Variants in USP34 observed in about 807,000 individuals in gnomAD.
The protein encoded by USP34 is ubiquitin carboxyl-terminal hydrolase 34.
USP34 carries 70 observed loss-of-function variants against 460.3 expected under a neutral mutation model. That is an observed-to-expected ratio of 0.15 (90% CI 0.13 to 0.19). The LOEUF is 0.19. USP34 is among the 10% of genes least tolerant of loss of function. The pLI is 1.00. For missense variants in USP34, 3,985 were observed against 4,236.2 expected (o/e 0.94, Z 1.65); for synonymous variants, 1,647 against 1,405.3 (o/e 1.17, Z -3.85).
At chr2:61,470,587 C>A in intron 1 of USP34, 63 bp downstream of exon 1, 1 of 1,215,308 alleles carries the variant, frequency 8.2e-7, no homozygotes, top group Non-Finnish European at 1.2e-6. Flanking sequence ...CCCGGGGAGG[C>A]CAGAGAGCTG....
chr2:61,231,956 T>C (rs1441577098), intron 58 of USP34, among the ~76,000 whole-genome samples: 1 of 151,562 alleles, frequency 6.6e-6, no homozygotes, highest in Admixed American at 6.6e-5. Flanking sequence ...ACTAAGTTTT[T>C]GATTTTGTGA....
In USP34 at chr2:61,315,352, T is replaced by C. The variant is rs546699370; in HGVS notation, c.3283-378A>G. Among the ~76,000 whole-genome samples the C allele has an allele frequency of 2.6e-5, 4 of 151,440 alleles. No homozygotes were observed. The East Asian group carries it at 7.8e-4, about 29-fold the overall frequency. On this transcript the variant is annotated intron_variant, in intron 23 of 79. Transcript: ENST00000398571. ...GTATTCACAGAAAATTAACAACATA[T>C]GCTAACTCAAGTTCTCACCCAATTT...
At chr2:61,370,616 A>C (rs1357905525) in intron 8 of USP34, 37 bp from the exon 9 acceptor site, 9 of 1,583,894 alleles carry the variant, frequency 5.7e-6, no homozygotes, top group African/African-American at 1.4e-5. Context: ...ATTAAAAAAA[A>C]TTGTCATCTT....
At chr2:61,284,725 T>C (rs1689637096) in intron 35 of USP34, 150 bp downstream of exon 35, 2 of 579,090 alleles carry the variant, frequency 3.5e-6, no homozygotes, top group Non-Finnish European at 6.0e-6. Context: ...AACAGGTTAA[T>C]AATACGTAAA....
chr2:61,227,306 A>T (rs1362853809), intron 61 of USP34, 88 bp from the exon 62 acceptor site: 1 of 1,439,694 alleles, frequency 6.9e-7, no homozygotes, highest in Non-Finnish European at 9.4e-7. Context: ...AACAGTGTAG[A>T]TGGTGGCAGG....
At chr2:61,230,716 C>T (rs190666464) in intron 58 of USP34, among the ~76,000 whole-genome samples, 17 of 151,732 alleles carry the variant, frequency 1.1e-4, no homozygotes, top group Middle Eastern at 6.8e-3. Flanking sequence ...CGGTGGTGCG[C>T]GCCTGTAATC....
Position 61,409,888 on chromosome 2 carries a change from G to A in USP34, c.132-3760C>T, listed in dbSNP as rs553597023. Among the ~76,000 whole-genome samples, 6 of 152,280 alleles carry A rather than the reference G, an allele frequency of 3.9e-5. No homozygotes were observed. In the East Asian group the frequency reaches 1.2e-3, roughly 29 times the overall value. On this transcript the variant is annotated intron_variant, in intron 2 of 79. Transcript: ENST00000398571. Reference sequence around the variant, plus strand: ...TACACAAGTTCAAAAAGGGCTGTGAGTCTAACAGGGGAACACACACGTACA... The same window carrying A: ...TACACAAGTTCAAAAAGGGCTGTGAATCTAACAGGGGAACACACACGTACA...
chr2:61,316,903 A>C (rs935456832), intron 23 of USP34, among the ~76,000 whole-genome samples: 5 of 152,128 alleles, frequency 3.3e-5, no homozygotes, highest in African/African-American at 1.2e-4. Flanking sequence ...AATAATAATA[A>C]AAATTTTTAA....
chr2:61,300,909 C>T, intron 29 of USP34, 42 bp downstream of exon 29: 1 of 1,407,162 alleles, frequency 7.1e-7, no homozygotes, highest in Non-Finnish European at 9.8e-7. Context: ...ATCCTCTCAA[C>T]AGAGACACAA....
Position 61,283,538 on chromosome 2 carries a change from T to A in USP34, c.4833-89A>T, listed in dbSNP as rs572361640. ...TATTAACATATATCCTTTAAGGTTA[T>A]CACTTCCCCCCCAAAAAAGGAAAGC... On this transcript the variant is annotated intron_variant, in intron 35 of 79. Transcript: ENST00000398571. 278 of 1,398,132 alleles carry A rather than the reference T, an allele frequency of 2.0e-4. 1 individual carries two copies. Among genetic ancestry groups the A allele is most frequent in the South Asian group, 6.9e-4 (51 of 74,098 alleles). The allele number at this position is 1,398,132 out of a possible 1,614,324, so 86.6% of individuals were successfully genotyped here. A position where few individuals can be genotyped will look rare whatever the true frequency, so the allele number is the denominator to read the frequency against.
chr2:61,420,862 TGAATAATGCTAAACCA>T, intron 1 of USP34, 29 bp from the exon 2 acceptor site: 1 of 1,545,300 alleles, frequency 6.5e-7, no homozygotes, highest in South Asian at 1.2e-5. Flanking sequence ...TTTAAAATTA[TGAATAATGCTAAACCA>T]GTATTAAAGC....
chr2:61,317,809 G>T, intron 22 of USP34, 42 bp from the exon 23 acceptor site: 2 of 1,400,908 alleles, frequency 1.4e-6, no homozygotes, highest in Non-Finnish European at 1.0e-6. Flanking sequence ...ATTTAGTGTG[G>T]TAATTCACAG....
At chr2:61,437,878 G>C (rs185842082) in intron 1 of USP34, among the ~76,000 whole-genome samples, 6 of 151,614 alleles carry the variant, frequency 4.0e-5, no homozygotes, top group Non-Finnish European at 8.8e-5. Context: ...GTCTCCCAAG[G>C]AAAGTGCAGG....
At chr2:61,263,614 T>TG (rs1553359828) in intron 43 of USP34, among the ~76,000 whole-genome samples, 1 of 152,052 alleles carries the variant, frequency 6.6e-6, no homozygotes, top group Non-Finnish European at 1.5e-5. Flanking sequence ...CCCAAATAGC[T>TG]GGGATTAGAG....
chr2:61,314,914 G>T lies in USP34; in HGVS notation c.3343C>A (p.Arg1115=). ...GAGTTAATATACTGGATAGCTGCTC[G>T]ACTGACATCACCAGATTGTGCTCTT... ...ALRAQSGDVS[R]AAIQYINSYY... Residue 1115 remains arginine (R), a synonymous_variant, in exon 24 of 80, where the codon CGA becomes AGA. Transcript: ENST00000398571. 1.2e-6 allele frequency: 2 copies of T among 1,613,682 alleles called. No homozygotes were observed. The highest frequency in any genetic ancestry group is 2.2e-5 in the South Asian group (2 of 90,980).
intron 58 of USP34, 84 bp from the exon 59 acceptor site, chr2:61,229,717 GC>G: frequency 8.4e-7 from 1 of 1,189,848 alleles, no homozygotes; most frequent in Non-Finnish European, 1.2e-6. Context: ...AAAATTCTCT[GC>G]CACCCATTTA....
Position 61,301,477 on chromosome 2 carries a change from A to C in USP34, c.3818-23T>G, listed in dbSNP as rs761914182. 5 of 1,594,754 alleles carry C rather than the reference A, an allele frequency of 3.1e-6. No individual in the cohort carries two copies. In the South Asian group the frequency reaches 4.5e-5, roughly 14 times the overall value. ...CTCCTTAAAAACAGCAAAACATGGA[A>C]ATGAATTTGTTTTTAAGAATTAACT... On this transcript the variant is annotated intron_variant, in intron 27 of 79. Coordinates refer to ENST00000398571, the MANE Select transcript of USP34 (RefSeq NM_014709.4).
At chr2:61,244,852 T>C (rs1350864782) in intron 51 of USP34, among the ~76,000 whole-genome samples, 1 of 151,918 alleles carries the variant, frequency 6.6e-6, no homozygotes, top group Non-Finnish European at 1.5e-5. Context: ...GAGACTCCCT[T>C]GTCAAAGATT....
intron 5 of USP34, among the ~76,000 whole-genome samples, chr2:61,394,282 G>A (rs1415597705): frequency 6.6e-6 from 1 of 152,042 alleles, no homozygotes; most frequent in Non-Finnish European, 1.5e-5. Flanking sequence ...AGTAACCTAG[G>A]CAAGCATCAT....
Sources: allele counts gnomAD v4.1 joint callset (sites outside exome capture counted in the v4.1 genomes callset), GRCh38; gene constraint gnomAD v4.1.1; transcripts MANE v1.5; gene names NCBI Gene and HGNC (gene_info 2026-07-23, HGNC 2026-07-21).